ADAMTS19: variants seen among roughly 807,000 people sequenced by gnomAD.
ADAMTS19 encodes the protein A disintegrin and metalloproteinase with thrombospondin motifs 19.
Under a neutral mutation model 153.3 loss-of-function variants are expected in ADAMTS19, and 93 were observed. That is an observed-to-expected ratio of 0.61 (90% CI 0.51 to 0.72). ADAMTS19 has a LOEUF of 0.72. Ranked by LOEUF, ADAMTS19 falls within the 30% of genes least tolerant of loss-of-function variation. The pLI, the probability that ADAMTS19 is intolerant of heterozygous loss-of-function variation, is 0.00. For missense variants in ADAMTS19, 1,482 were observed against 1,552.1 expected (o/e 0.95, Z 0.76); for synonymous variants, 600 against 556.6 (o/e 1.08, Z -1.10).
At chr5:129,567,400 T>C (rs1254630859) in intron 7 of ADAMTS19, among the ~76,000 whole-genome samples, 1 of 152,120 alleles carries the variant, frequency 6.6e-6, no homozygotes, top group African/African-American at 2.4e-5. Flanking sequence ...GGCACAGATT[T>C]TGGAACTATC....
intron 6 of ADAMTS19, among the ~76,000 whole-genome samples, chr5:129,537,798 G>C (rs1392766548): frequency 6.6e-6 from 1 of 151,842 alleles, no homozygotes; most frequent in African/African-American, 2.4e-5. Flanking sequence ...AGGGGGGAGG[G>C]ATAGCATTAG....
chr5:129,507,186 T>G (rs1751293549), intron 2 of ADAMTS19, among the ~76,000 whole-genome samples: 1 of 152,048 alleles, frequency 6.6e-6, no homozygotes, highest in Non-Finnish European at 1.5e-5. Context: ...CTGAGCAGCA[T>G]AATTCTTATT....
chr5:129,525,623 G>A (rs1209173506), intron 3 of ADAMTS19, among the ~76,000 whole-genome samples: 2 of 151,928 alleles, frequency 1.3e-5, no homozygotes, highest in South Asian at 2.1e-4. Flanking sequence ...ACATTTAATA[G>A]AACAATAAAA....
In ADAMTS19 at chr5:129,516,532, T is replaced by C. The variant is rs60464553; in HGVS notation, c.913+7290T>C. ...TTCCTGTTTCAATCTTGGTAGGTTG[T>C]ATATATCTAGGAATTTGTCCATTTC... On this transcript the variant is annotated intron_variant, in intron 3 of 22. Coordinates refer to ENST00000274487, the MANE Select transcript of ADAMTS19 (RefSeq NM_133638.6). Among the ~76,000 whole-genome samples the C allele has an allele frequency of 3.2e-3, 479 of 151,952 alleles. 3 individuals carry two copies. The highest frequency in any genetic ancestry group is 0.011 in the African/African-American group (460 of 41,544).
At chr5:129,583,642 T>C (rs6876010) in intron 7 of ADAMTS19, among the ~76,000 whole-genome samples, 126,252 of 151,072 alleles carry the variant, frequency 0.84, 52,994 homozygotes, top group Non-Finnish European at 0.88. Context: ...CTTGTCTTTG[T>C]GCTTTATTTC....
At chr5:129,621,691 C>T (rs1415569811) in intron 9 of ADAMTS19, among the ~76,000 whole-genome samples, 2 of 152,132 alleles carry the variant, frequency 1.3e-5, no homozygotes, top group African/African-American at 2.4e-5. Flanking sequence ...TCACATGAAT[C>T]AGGACTCCTA....
chr5:129,702,287 G>A (rs189599131), intron 20 of ADAMTS19, among the ~76,000 whole-genome samples: 1 of 152,240 alleles, frequency 6.6e-6, no homozygotes, highest in East Asian at 1.9e-4. Flanking sequence ...ACACTTAGTG[G>A]TTGCTCTGAA....
chr5:129,462,620 G>A (rs545181828), intron 2 of ADAMTS19, among the ~76,000 whole-genome samples: 6 of 150,992 alleles, frequency 4.0e-5, no homozygotes, highest in Admixed American at 2.6e-4. Flanking sequence ...TGTGTGTGGG[G>A]GGGTCAAATA....
chr5:129,503,973 C>T (rs1328268215), intron 2 of ADAMTS19, among the ~76,000 whole-genome samples: 3 of 152,154 alleles, frequency 2.0e-5, no homozygotes, highest in Admixed American at 6.6e-5. Context: ...TCTGCTTCTT[C>T]GAGTGTCTCG....
chr5:129,734,587 G>T (rs1405639848), intron 21 of ADAMTS19, among the ~76,000 whole-genome samples: 2 of 151,954 alleles, frequency 1.3e-5, no homozygotes, highest in Non-Finnish European at 2.9e-5. Flanking sequence ...TTATTTGTTT[G>T]CAAACCATGT....
At chr5:129,471,061 A>T (rs1427606012) in intron 2 of ADAMTS19, among the ~76,000 whole-genome samples, 1 of 120,138 alleles carries the variant, frequency 8.3e-6, no homozygotes, top group Non-Finnish European at 1.7e-5. Context: ...AGATATCAGG[A>T]TCAAAATCAG....
chr5:129,702,941 A>AAAAAAAAAAAAT, intron 20 of ADAMTS19, among the ~76,000 whole-genome samples: 8 of 29,314 alleles, frequency 2.7e-4, no homozygotes, highest in African/African-American at 6.8e-4. Flanking sequence ...AAAAAAAAAA[A>AAAAAAAAAAAAT]ATATATATAT....
rs141059206 is a variant in ADAMTS19, at chr5:129,508,495, A to C, written c.748-582A>C. On this transcript the variant is annotated intron_variant, in intron 2 of 22. Coordinates refer to ENST00000274487, the MANE Select transcript of ADAMTS19 (RefSeq NM_133638.6). ...TCTGTCTCACAATTGGATGACTTTT[A>C]AAACATGTCACTATGTGAAATGAAA... Among the ~76,000 whole-genome samples, 319 of 152,122 alleles carry C rather than the reference A, an allele frequency of 2.1e-3. 1 individual carries two copies. Among genetic ancestry groups the C allele is most frequent in the African/African-American group, 7.3e-3 (304 of 41,540 alleles).
chr5:129,546,210 G>T (rs1390819929), intron 6 of ADAMTS19, among the ~76,000 whole-genome samples: 1 of 148,902 alleles, frequency 6.7e-6, no homozygotes, highest in Non-Finnish European at 1.5e-5. Flanking sequence ...CACAGGAAGG[G>T]GAATATCACA....
At chr5:129,664,633 ATTAG>A (rs1301400883) in intron 15 of ADAMTS19, among the ~76,000 whole-genome samples, 1 of 152,118 alleles carries the variant, frequency 6.6e-6, no homozygotes, top group East Asian at 1.9e-4. Context: ...CAACTCTGGA[ATTAG>A]CTCTTGTGCC....
Position 129,704,119 on chromosome 5 carries a change from A to T in ADAMTS19, c.3160-120A>T, listed in dbSNP as rs950945157. 5.8e-6 allele frequency: 6 copies of T among 1,031,188 alleles called. No homozygotes were observed. In the African/African-American group the frequency reaches 9.8e-5, roughly 17 times the overall value. The allele number at this position is 1,031,188 out of a possible 1,614,324, so 63.9% of individuals were successfully genotyped here. On this transcript the variant is annotated intron_variant, in intron 20 of 22. Transcript: ENST00000274487. Reference sequence around the variant, plus strand: ...CTTTAAACTTATTATTTATAATTTTATCTGGCTTTTATGGGTGATGGGCTC... The same window carrying T: ...CTTTAAACTTATTATTTATAATTTTTTCTGGCTTTTATGGGTGATGGGCTC...
chr5:129,724,786 T>C (rs73785263), intron 21 of ADAMTS19, among the ~76,000 whole-genome samples: 23,813 of 152,084 alleles, frequency 0.16, 2,073 homozygotes, highest in East Asian at 0.31. Context: ...AGAGATTGGT[T>C]GGACCCAGTG....
chr5:129,564,175 T>C (rs986812623), intron 7 of ADAMTS19, among the ~76,000 whole-genome samples: 3 of 151,574 alleles, frequency 2.0e-5, no homozygotes, highest in Admixed American at 6.6e-5. Context: ...CCTGCATGAG[T>C]TTGTAAGCTG....
intron 3 of ADAMTS19, among the ~76,000 whole-genome samples, chr5:129,523,940 C>A (rs182718350): frequency 1.3e-5 from 2 of 152,262 alleles, no homozygotes; most frequent in East Asian, 1.9e-4. Context: ...CATTGACTTT[C>A]TTCACAGAAT....
Sources: gnomAD v4.1 joint callset for allele counts (sites outside exome capture counted in the v4.1 genomes callset) on GRCh38, gnomAD v4.1.1 for gene constraint, MANE v1.5 for transcripts, NCBI Gene and HGNC (gene_info 2026-07-23, HGNC 2026-07-21) for gene names.